C12orf42: variants seen among roughly 807,000 people sequenced by gnomAD.
C12orf42 encodes the protein uncharacterized protein C12orf42.
C12orf42 carries 25 observed loss-of-function variants against 21.6 expected under a neutral mutation model. The observed-to-expected ratio is 1.16, with a 90% confidence interval of 0.84 to 1.62. C12orf42 has a LOEUF of 1.62. C12orf42 is among the 40% of genes most tolerant of loss of function. The pLI is 0.00. For missense variants in C12orf42, 483 were observed against 459.3 expected (o/e 1.05, Z -0.47); for synonymous variants, 174 against 175.0 (o/e 0.99, Z 0.05).
intron 5 of C12orf42, among the ~76,000 whole-genome samples, 198 bp downstream of exon 5, chr12:103,305,776 C>T (rs773158100): frequency 6.6e-6 from 1 of 152,188 alleles, no homozygotes; most frequent in African/African-American, 2.4e-5. Context: ...CTGTCATCAA[C>T]TCACACCTGT....
chr12:103,123,781 CAT>C, the C12orf42 span, among the ~76,000 whole-genome samples: 4 of 151,524 alleles, frequency 2.6e-5, no homozygotes, highest in South Asian at 2.1e-4. Context: ...AATATATTAA[CAT>C]ATATTATTAA....
intron 4 of C12orf42, among the ~76,000 whole-genome samples, chr12:103,308,704 G>T (rs573624495): frequency 6.6e-6 from 1 of 152,202 alleles, no homozygotes; most frequent in East Asian, 1.9e-4. Context: ...CTAGCTTGCT[G>T]TGATATAAAT....
intron 1 of C12orf42, among the ~76,000 whole-genome samples, chr12:103,490,195 T>C (rs956745936): frequency 5.3e-5 from 8 of 152,244 alleles, no homozygotes; most frequent in African/African-American, 1.9e-4. Flanking sequence ...ATCTTCTGTA[T>C]TGCCATTAAA....
chr12:103,160,998 C>T, the C12orf42 span, among the ~76,000 whole-genome samples: 86 of 152,332 alleles, frequency 5.6e-4, no homozygotes, highest in African/African-American at 2.1e-3. Context: ...CTGATTTAGA[C>T]AACCTATGTG....
At chr12:103,123,934 A>G in the C12orf42 span, among the ~76,000 whole-genome samples, 2 of 152,086 alleles carry the variant, frequency 1.3e-5, no homozygotes, top group East Asian at 3.9e-4. Flanking sequence ...CCAGACATTA[A>G]GCCATATAAC....
the C12orf42 span, among the ~76,000 whole-genome samples, chr12:103,502,495 C>T: frequency 1.3e-5 from 2 of 151,968 alleles, no homozygotes; most frequent in Non-Finnish European, 2.9e-5. Context: ...ACACACCTCC[C>T]GTGTGCCTGC....
At chr12:103,510,788 C>A in the C12orf42 span, among the ~76,000 whole-genome samples, 1 of 152,122 alleles carries the variant, frequency 6.6e-6, no homozygotes, top group African/African-American at 2.4e-5. Flanking sequence ...AATCGATGAT[C>A]TTATATCTTA....
chr12:103,453,688 A>T (rs1952101443), intron 2 of C12orf42, among the ~76,000 whole-genome samples: 1 of 151,524 alleles, frequency 6.6e-6, no homozygotes, highest in Non-Finnish European at 1.5e-5. Context: ...TCGGATGTAA[A>T]TTCTTCTAAT....
chr12:103,346,689 C>T (rs1471398613), intron 4 of C12orf42, among the ~76,000 whole-genome samples: 2 of 152,184 alleles, frequency 1.3e-5, no homozygotes, highest in African/African-American at 4.8e-5. Context: ...TTTGCCCATC[C>T]TAAGCAGAAT....
At chr12:103,563,540 G>A in the C12orf42 span, among the ~76,000 whole-genome samples, 1,215 of 152,326 alleles carry the variant, frequency 8.0e-3, 7 homozygotes, top group Non-Finnish European at 0.013. Flanking sequence ...GCTAGGGTTT[G>A]ACCTAGGCAT....
chr12:103,100,739 A>T, the C12orf42 span, among the ~76,000 whole-genome samples: 1 of 152,138 alleles, frequency 6.6e-6, no homozygotes, highest in African/African-American at 2.4e-5. Flanking sequence ...GGTTAGCGTG[A>T]CTCACTTGGA....
chr12:103,165,898 G>A, the C12orf42 span, among the ~76,000 whole-genome samples: 1 of 152,186 alleles, frequency 6.6e-6, no homozygotes, highest in South Asian at 2.1e-4. Context: ...AAAACTAGCC[G>A]GGCGTGGTGG....
chr12:103,213,773 T>C, the C12orf42 span, among the ~76,000 whole-genome samples: 1 of 152,242 alleles, frequency 6.6e-6, no homozygotes, highest in Non-Finnish European at 1.5e-5. Context: ...GCAGTTCTAC[T>C]GTTTCATTTT....
chr12:103,501,160 G>A, the C12orf42 span, among the ~76,000 whole-genome samples: 27 of 152,190 alleles, frequency 1.8e-4, no homozygotes, highest in African/African-American at 6.3e-4. Context: ...CCTGTGGGCC[G>A]ATGGGCCTTG....
intron 4 of C12orf42, among the ~76,000 whole-genome samples, chr12:103,339,063 C>G (rs1016768808): frequency 6.6e-6 from 1 of 152,156 alleles, no homozygotes; most frequent in South Asian, 2.1e-4. Flanking sequence ...TTTTAAACTA[C>G]AAATAAATTA....
the C12orf42 span, among the ~76,000 whole-genome samples, chr12:103,211,246 G>T: frequency 2.6e-5 from 4 of 152,226 alleles, no homozygotes; most frequent in African/African-American, 9.6e-5. Context: ...AAAAACTAAT[G>T]CAACCTCTGG....
the C12orf42 span, among the ~76,000 whole-genome samples, chr12:103,192,739 C>T: frequency 1.3e-5 from 2 of 152,044 alleles, no homozygotes; most frequent in East Asian, 1.9e-4. Context: ...CACCTAAGTA[C>T]GGAAAGCGAA....
intron 4 of C12orf42, among the ~76,000 whole-genome samples, chr12:103,342,522 C>A (rs1411311431): frequency 6.6e-6 from 1 of 152,036 alleles, no homozygotes; most frequent in Non-Finnish European, 1.5e-5. Flanking sequence ...AGTATTATTA[C>A]CCCATAGTAG....
At chr12:103,399,879 C>T (rs2047849003) in intron 3 of C12orf42, among the ~76,000 whole-genome samples, 1 of 151,896 alleles carries the variant, frequency 6.6e-6, no homozygotes, top group South Asian at 2.1e-4. Flanking sequence ...GGTTATCTGA[C>T]ATATATGATA....
Sources: allele counts gnomAD v4.1 joint callset (sites outside exome capture counted in the v4.1 genomes callset), GRCh38; gene constraint gnomAD v4.1.1; transcripts MANE v1.5; gene names NCBI Gene and HGNC (gene_info 2026-07-23, HGNC 2026-07-21).